The following TEX14 variants were observed in gnomAD, a reference collection of about 807,000 sequenced individuals.
TEX14 encodes the protein inactive serine/threonine-protein kinase TEX14.
In TEX14, 168 loss-of-function variants were observed where a neutral mutation model predicts 178.6. That is an observed-to-expected ratio of 0.94 (90% CI 0.83 to 1.07). The LOEUF (loss-of-function observed/expected upper bound fraction) is 1.07, where lower values mean the gene tolerates loss of function less well. Among genes scored for constraint, TEX14 ranks in the 50% least tolerant of loss-of-function variants. TEX14 has a pLI of 0.00. For synonymous variants in TEX14, 626 were observed against 634.1 expected, an observed-to-expected ratio of 0.99 and a Z score of 0.19; for missense variants, 1,730 against 1,753.6, an observed-to-expected ratio of 0.99 and a Z score of 0.24.
chr17:58,572,175 CTCCTTTTT>C (rs767739290), intron 23 of TEX14, 49 bp from the exon 24 acceptor site: 3 of 1,393,900 alleles, frequency 2.2e-6, no homozygotes, highest in African/African-American at 1.4e-5. Flanking sequence ...TATATTATTT[CTCCTTTTT>C]TCCTTTTTCC....
intron 22 of TEX14, 74 bp from the exon 23 acceptor site, chr17:58,573,382 CT>C (rs1251123308): frequency 5.5e-6 from 8 of 1,458,062 alleles, no homozygotes; most frequent in Non-Finnish European, 7.5e-6. Context: ...CTGAGAGGTA[CT>C]TTTTAAGTAT....
At chr17:58,630,355 C>T in intron 3 of TEX14, 85 bp downstream of exon 3, 1 of 1,099,408 alleles carries the variant, frequency 9.1e-7, no homozygotes, top group Non-Finnish European at 1.4e-6. Context: ...CGCACCCGGC[C>T]AAACGTTTTT....
chr17:58,659,140 C>G (rs767957949), intron 1 of TEX14, among the ~76,000 whole-genome samples: 1 of 152,160 alleles, frequency 6.6e-6, no homozygotes. Context: ...TAAACTAGTT[C>G]AATCACAGGA....
chr17:58,561,971 G>A (rs2044282509), intron 28 of TEX14, among the ~76,000 whole-genome samples: 1 of 152,100 alleles, frequency 6.6e-6, no homozygotes, highest in Non-Finnish European at 1.5e-5. Context: ...TGTAATCCCA[G>A]CCACCCGGGA....
chr17:58,646,908 CTTT>C (rs752886851), intron 2 of TEX14, among the ~76,000 whole-genome samples: 2 of 141,586 alleles, frequency 1.4e-5, no homozygotes, highest in Non-Finnish European at 1.6e-5. Context: ...CAAGCACACT[CTTT>C]TTTTTTTTTT....
rs1009712835 is a variant in TEX14, at chr17:58,640,596, G to A, written c.137-10042C>T. Among the ~76,000 whole-genome samples, 4 of 145,726 alleles carry A rather than the reference G, an allele frequency of 2.7e-5. No homozygotes were observed. In the Admixed American group the frequency reaches 2.8e-4, roughly 10 times the overall value. ...AGTAAATAAAGGCTCCTACTCACAT[G>A]CAGAGCTTACCTTCTAGTGTGTGTG... On this transcript the variant is annotated intron_variant, in intron 2 of 31. Coordinates refer to ENST00000349033, the MANE Select transcript of TEX14 (RefSeq NM_031272.5).
chr17:58,601,349 C>T (rs563271134), intron 13 of TEX14, among the ~76,000 whole-genome samples: 4 of 151,982 alleles, frequency 2.6e-5, no homozygotes, highest in South Asian at 2.1e-4. Context: ...GGTGAAACCC[C>T]GTCTCTACTA....
At chr17:58,611,961 G>T (rs984588386) in intron 9 of TEX14, among the ~76,000 whole-genome samples, 1 of 152,170 alleles carries the variant, frequency 6.6e-6, no homozygotes, top group African/African-American at 2.4e-5. Context: ...CAAGCCATTT[G>T]GGGGAAGAGC....
At chr17:58,591,002 GAGGAAC>G (rs887172232) in intron 15 of TEX14, among the ~76,000 whole-genome samples, 1 of 151,578 alleles carries the variant, frequency 6.6e-6, no homozygotes, top group African/African-American at 2.4e-5. Flanking sequence ...AAAAAGACTA[GAGGAAC>G]AGGTGGAAAA....
At chr17:58,646,469 G>C (rs2046710527) in intron 2 of TEX14, among the ~76,000 whole-genome samples, 1 of 152,052 alleles carries the variant, frequency 6.6e-6, no homozygotes, top group African/African-American at 2.4e-5. Context: ...TCCATCCTCA[G>C]AGCACAACTC....
At chr17:58,682,331 C>G (rs1380768411) in intron 1 of TEX14, among the ~76,000 whole-genome samples, 2 of 151,650 alleles carry the variant, frequency 1.3e-5, no homozygotes, top group East Asian at 3.9e-4. Flanking sequence ...CATCTCAGCT[C>G]ACTGCCACAT....
At chr17:58,681,082 G>C (rs1448856325) in intron 1 of TEX14, among the ~76,000 whole-genome samples, 5 of 152,048 alleles carry the variant, frequency 3.3e-5, no homozygotes, top group Non-Finnish European at 7.4e-5. Context: ...AGGAGTTCAA[G>C]ACCAGCCTGG....
chr17:58,660,959 T>A (rs373640659), intron 1 of TEX14: 19 of 1,123,584 alleles, frequency 1.7e-5, no homozygotes, highest in Non-Finnish European at 2.5e-5. Flanking sequence ...TATTTCCTGA[T>A]CAATGCTCTC....
chr17:58,647,488 C>T (rs1378663392), intron 2 of TEX14, among the ~76,000 whole-genome samples: 3 of 150,960 alleles, frequency 2.0e-5, no homozygotes, highest in Non-Finnish European at 4.4e-5. Context: ...GCTGAGATCG[C>T]GTCACTGCAC....
At chr17:58,681,426 T>C (rs922985628) in intron 1 of TEX14, among the ~76,000 whole-genome samples, 4 of 152,184 alleles carry the variant, frequency 2.6e-5, no homozygotes, top group Non-Finnish European at 5.9e-5. Context: ...TGACAGTCTA[T>C]CAGTTTTATT....
chr17:58,653,889 T>C (rs941870759), intron 1 of TEX14, among the ~76,000 whole-genome samples: 4 of 152,104 alleles, frequency 2.6e-5, no homozygotes, highest in Non-Finnish European at 5.9e-5. Flanking sequence ...ATTAAAGAAT[T>C]GGAGAAACTG....
chr17:58,688,170 G>C (rs1342081934), intron 1 of TEX14, among the ~76,000 whole-genome samples: 1 of 152,098 alleles, frequency 6.6e-6, no homozygotes, highest in Non-Finnish European at 1.5e-5. Flanking sequence ...GCCCAGGCTG[G>C]AGTACAGTGT....
intron 19 of TEX14, among the ~76,000 whole-genome samples, chr17:58,581,350 A>G (rs1430831989): frequency 1.3e-5 from 2 of 152,066 alleles, no homozygotes; most frequent in Non-Finnish European, 2.9e-5. Context: ...AAAAAAGTAC[A>G]AAGTGCTGTA....
chr17:58,611,131 G>A (rs750195757), intron 10 of TEX14, 30 bp downstream of exon 10: 4 of 1,581,440 alleles, frequency 2.5e-6, no homozygotes, highest in Non-Finnish European at 3.5e-6. Context: ...ATCAACTTCA[G>A]GAGAAAGTCC....
Sources: gnomAD v4.1 joint callset for allele counts (sites outside exome capture counted in the v4.1 genomes callset) on GRCh38, gnomAD v4.1.1 for gene constraint, MANE v1.5 for transcripts, NCBI Gene and HGNC (gene_info 2026-07-23, HGNC 2026-07-21) for gene names.